NIPBL: variants seen among roughly 807,000 people sequenced by gnomAD.
NIPBL encodes the protein NIPBL cohesin loading factor, also known as nipped-B-like protein.
In NIPBL, 19 loss-of-function variants were observed where a neutral mutation model predicts 321.8. The ratio of observed to expected loss-of-function variants is 0.06; its 90% CI spans 0.04 to 0.09. The LOEUF is 0.09. NIPBL is among the 10% of genes least tolerant of loss of function. The pLI is 1.00. For missense variants in NIPBL, 2,210 were observed against 3,327.0 expected, an observed-to-expected ratio of 0.66 and a Z score of 8.26; for synonymous variants, 1,106 against 1,114.1, an observed-to-expected ratio of 0.99 and a Z score of 0.14.
intron 8 of NIPBL, among the ~76,000 whole-genome samples, chr5:36,973,802 G>A (rs1347974368): frequency 6.6e-6 from 1 of 152,088 alleles, no homozygotes; most frequent in East Asian, 1.9e-4. Context: ...CCTGCATTAT[G>A]TATTTGTCCT....
intron 1 of NIPBL, among the ~76,000 whole-genome samples, chr5:36,935,017 C>G (rs1278332643): frequency 6.6e-6 from 1 of 152,136 alleles, no homozygotes; most frequent in African/African-American, 2.4e-5. Context: ...CTCCTTGTAG[C>G]TTAAATTCAA....
chr5:37,003,136 T>TA, intron 15 of NIPBL, 125 bp from the exon 16 acceptor site: 1 of 611,128 alleles, frequency 1.6e-6, no homozygotes, highest in East Asian at 2.7e-5. Flanking sequence ...AAAGTTTTCT[T>TA]ACTCTTTAAG....
intron 15 of NIPBL, 80 bp from the exon 16 acceptor site, chr5:37,003,181 G>A: frequency 1.1e-6 from 1 of 878,920 alleles, no homozygotes; most frequent in Non-Finnish European, 1.9e-6. Flanking sequence ...TAGCTCAAAG[G>A]GAATAATTGT....
intron 1 of NIPBL, chr5:36,886,340 C>A: frequency 1.4e-6 from 1 of 697,214 alleles, no homozygotes; most frequent in South Asian, 1.5e-5. Flanking sequence ...GAGAGCGCCA[C>A]CTGCCACCGC....
chr5:37,051,618 A>C (rs1437504901), intron 40 of NIPBL, 161 bp from the exon 41 acceptor site: 1 of 623,956 alleles, frequency 1.6e-6, no homozygotes, highest in Non-Finnish European at 2.9e-6. Flanking sequence ...GCTGAATCTC[A>C]AAAGATCTGT....
intron 9 of NIPBL, among the ~76,000 whole-genome samples, chr5:36,977,722 T>C (rs1743651542): frequency 6.6e-6 from 1 of 151,730 alleles, no homozygotes; most frequent in Non-Finnish European, 1.5e-5. Flanking sequence ...GTGATCATAG[T>C]ACCCATTAGA....
intron 9 of NIPBL, among the ~76,000 whole-genome samples, chr5:36,981,846 G>T (rs2149638044): frequency 6.6e-6 from 1 of 151,808 alleles, no homozygotes; most frequent in Middle Eastern, 3.4e-3. Context: ...ATTACCTACT[G>T]TCATTTGGAA....
At chr5:36,881,389 C>A (rs1194512039) in intron 1 of NIPBL, among the ~76,000 whole-genome samples, 1 of 151,370 alleles carries the variant, frequency 6.6e-6, no homozygotes, top group Non-Finnish European at 1.5e-5. Flanking sequence ...TTTCTATTCC[C>A]AAAGTTATAT....
chr5:36,936,833 A>G (rs548799667), intron 1 of NIPBL, among the ~76,000 whole-genome samples: 1 of 152,014 alleles, frequency 6.6e-6, no homozygotes, highest in Admixed American at 6.6e-5. Context: ...GATTATATTG[A>G]AGATTAAATG....
chr5:36,927,191 T>C (rs1371579461), intron 1 of NIPBL, among the ~76,000 whole-genome samples: 2 of 152,204 alleles, frequency 1.3e-5, no homozygotes, highest in African/African-American at 4.8e-5. Flanking sequence ...CTCCACTCCA[T>C]TTCATTTAAT....
At chr5:37,033,663 C>T (rs1318990185) in intron 32 of NIPBL, among the ~76,000 whole-genome samples, 2 of 128,088 alleles carry the variant, frequency 1.6e-5, no homozygotes, top group African/African-American at 3.0e-5. Context: ...TTTTTAATTA[C>T]ATATGTGTGT....
At chr5:36,941,245 T>C (rs1321656931) in intron 1 of NIPBL, among the ~76,000 whole-genome samples, 2 of 152,162 alleles carry the variant, frequency 1.3e-5, no homozygotes, top group African/African-American at 4.8e-5. Context: ...CCTTTTTAAG[T>C]CTAGTTTTGC....
chr5:36,932,558 C>G (rs180693139), intron 1 of NIPBL, among the ~76,000 whole-genome samples: 174 of 151,738 alleles, frequency 1.1e-3, no homozygotes, highest in African/African-American at 4.1e-3. Flanking sequence ...TACTTTCAAC[C>G]TATTTGTATC....
intron 1 of NIPBL, among the ~76,000 whole-genome samples, chr5:36,947,975 T>A (rs1739872003): frequency 6.6e-6 from 1 of 151,998 alleles, no homozygotes; most frequent in South Asian, 2.1e-4. Flanking sequence ...ATCTTTAATA[T>A]CTTTTCATGA....
intron 1 of NIPBL, among the ~76,000 whole-genome samples, chr5:36,880,362 C>T (rs985806674): frequency 6.6e-6 from 1 of 151,734 alleles, no homozygotes; most frequent in Non-Finnish European, 1.5e-5. Context: ...AAATAAAAAC[C>T]AGGAGTTTGA....
In NIPBL at chr5:36,886,596, A is replaced by G. The variant is rs926958458; in HGVS notation, c.-80+9418A>G. ...GCTATTCAGTTAAAATAGTTATCTGATGACTGAAATTTTTTTAATATGTCA... is the reference window on the plus strand; with the variant it reads ...GCTATTCAGTTAAAATAGTTATCTGGTGACTGAAATTTTTTTAATATGTCA... On this transcript the variant is annotated intron_variant, in intron 1 of 46. Transcript: ENST00000282516. The G allele has an allele frequency of 5.5e-6, 3 of 543,648 alleles. No individual in the cohort carries two copies. The African/African-American group carries it at 5.8e-5, about 10-fold the overall frequency. 33.7% of individuals were successfully genotyped at this position (543,648 alleles called of 1,614,324 possible). A position where few individuals can be genotyped will look rare whatever the true frequency, so the allele number is the denominator to read the frequency against.
intron 1 of NIPBL, among the ~76,000 whole-genome samples, chr5:36,884,409 A>G (rs1051865549): frequency 2.0e-5 from 3 of 152,178 alleles, no homozygotes; most frequent in Admixed American, 6.5e-5. Context: ...TCCCACTTCT[A>G]TAGACATATA....
At chr5:37,010,996 G>A (rs1748051498) in intron 21 of NIPBL, among the ~76,000 whole-genome samples, 1 of 151,860 alleles carries the variant, frequency 6.6e-6, no homozygotes, top group African/African-American at 2.4e-5. Context: ...TCAGATTAGG[G>A]GTACTAAACC....
At chr5:36,978,916 C>A (rs558328628) in intron 9 of NIPBL, among the ~76,000 whole-genome samples, 56 of 151,964 alleles carry the variant, frequency 3.7e-4, no homozygotes, top group African/African-American at 1.3e-3. Context: ...GGCTTTATTT[C>A]TGGGTTCTCT....
Sources: allele counts gnomAD v4.1 joint callset (sites outside exome capture counted in the v4.1 genomes callset), GRCh38; gene constraint gnomAD v4.1.1; transcripts MANE v1.5; gene names NCBI Gene and HGNC (gene_info 2026-07-23, HGNC 2026-07-21).